The following CELF2 variants were observed in gnomAD, a reference collection of about 807,000 sequenced individuals.
The protein encoded by CELF2 is CUG triplet repeat RNA-binding protein 2.
In CELF2, 8 loss-of-function variants were observed where a neutral mutation model predicts 62.6. The observed-to-expected ratio is 0.13, with a 90% CI of 0.07 to 0.23. CELF2 has a LOEUF of 0.23. Ranked by LOEUF, CELF2 falls within the 10% of genes least tolerant of loss-of-function variation. CELF2 has a pLI of 1.00. For synonymous variants in CELF2, 258 were observed against 250.0 expected (o/e 1.03, Z -0.30); for missense variants, 333 against 671.0 (o/e 0.50, Z 5.56).
the CELF2 span, among the ~76,000 whole-genome samples, chr10:10,578,204 G>A: frequency 1.3e-5 from 2 of 151,804 alleles, no homozygotes; most frequent in African/African-American, 4.8e-5. Flanking sequence ...TTTTTGATGG[G>A]GTTGTTTGTT....
intron 1 of CELF2, among the ~76,000 whole-genome samples, chr10:11,093,077 C>A (rs1944344942): frequency 6.6e-6 from 1 of 152,198 alleles, no homozygotes; most frequent in Non-Finnish European, 1.5e-5. Context: ...CTTACTCTGT[C>A]AGGGACTTAG....
chr10:11,324,361 A>G lies in CELF2; in HGVS notation c.1295-1475A>G, dbSNP rs1471377528. ...CATACCACCCAGGATGTGCACACACAGCAGTGCTCAGAACATCCCTTTCCA... is the reference window on the plus strand; with the variant it reads ...CATACCACCCAGGATGTGCACACACGGCAGTGCTCAGAACATCCCTTTCCA... On this transcript the variant is annotated intron_variant, in intron 11 of 12. Transcript: ENST00000633077. This position sits in a 1 kb window ranked among gnomAD's most constrained non-coding sequence, Gnocchi z 4.7. 6.6e-6 allele frequency among the ~76,000 whole-genome samples: 1 copy of G among 152,220 alleles called. No individual in the cohort carries two copies. Among genetic ancestry groups the G allele is most frequent in the African/African-American group, 2.4e-5 (1 of 41,444 alleles).
intron 1 of CELF2, among the ~76,000 whole-genome samples, chr10:10,894,946 G>T (rs1244772088): frequency 6.6e-6 from 1 of 152,142 alleles, no homozygotes; most frequent in Non-Finnish European, 1.5e-5. Context: ...GTAATATTAT[G>T]AAGTGAAACT....
intron 1 of CELF2, among the ~76,000 whole-genome samples, chr10:11,087,263 T>A (rs2141752022): frequency 6.6e-6 from 1 of 152,246 alleles, no homozygotes; most frequent in African/African-American, 2.4e-5. Flanking sequence ...GTAAAAAGAT[T>A]GATAGGTGAT....
At chr10:10,622,850 T>C in the CELF2 span, among the ~76,000 whole-genome samples, 2 of 151,484 alleles carry the variant, frequency 1.3e-5, no homozygotes, top group East Asian at 2.0e-4. Flanking sequence ...TCCCAGCACT[T>C]TGGGAGGCCG....
chr10:10,509,046 G>A, the CELF2 span, among the ~76,000 whole-genome samples: 9 of 152,126 alleles, frequency 5.9e-5, no homozygotes, highest in African/African-American at 2.2e-4. Context: ...ATATGGTTGG[G>A]TAAAGCTAAA....
At chr10:11,186,809 C>T (rs1212143784) in intron 2 of CELF2, among the ~76,000 whole-genome samples, 1 of 152,122 alleles carries the variant, frequency 6.6e-6, no homozygotes, top group African/African-American at 2.4e-5. Flanking sequence ...CATTTACGGG[C>T]CCAGGCATTT....
the CELF2 span, among the ~76,000 whole-genome samples, chr10:10,662,501 G>A: frequency 6.6e-6 from 1 of 152,104 alleles, no homozygotes; most frequent in Non-Finnish European, 1.5e-5. Context: ...TTCTCACCCT[G>A]TGTCCTGGCA....
At chr10:10,869,568 GA>G (rs34926580) in intron 1 of CELF2, among the ~76,000 whole-genome samples, 9 of 150,458 alleles carry the variant, frequency 6.0e-5, no homozygotes, top group African/African-American at 1.2e-4. Flanking sequence ...TCATCTGGGG[GA>G]AAAAAAAATG....
chr10:11,284,507 G>T (rs2139428240), intron 8 of CELF2, among the ~76,000 whole-genome samples: 1 of 150,678 alleles, frequency 6.6e-6, no homozygotes, highest in East Asian at 2.0e-4. Context: ...GGTGGGGGAT[G>T]AGGGATGAGT....
chr10:11,155,699 C>G (rs542085952), intron 1 of CELF2, among the ~76,000 whole-genome samples: 3 of 152,178 alleles, frequency 2.0e-5, no homozygotes, highest in Non-Finnish European at 4.4e-5. Flanking sequence ...TGTTTTCTCT[C>G]TAAACAACTA....
chr10:11,233,775 G>T (rs567166886), intron 3 of CELF2, among the ~76,000 whole-genome samples: 1 of 152,182 alleles, frequency 6.6e-6, no homozygotes, highest in African/African-American at 2.4e-5. Context: ...GAATTGCTCC[G>T]TCTTTATCAA....
the CELF2 span, among the ~76,000 whole-genome samples, chr10:10,670,030 G>A: frequency 6.6e-6 from 1 of 150,584 alleles, no homozygotes. Flanking sequence ...AGCCTCCCAA[G>A]TTGCTGGGAT....
the CELF2 span, among the ~76,000 whole-genome samples, chr10:10,591,765 C>T: frequency 6.6e-6 from 1 of 152,202 alleles, no homozygotes; most frequent in Non-Finnish European, 1.5e-5. Flanking sequence ...CAGCGTCCAC[C>T]GCCAAGAGAG....
intron 1 of CELF2, among the ~76,000 whole-genome samples, chr10:11,115,854 C>A (rs1043999480): frequency 2.0e-5 from 3 of 152,176 alleles, no homozygotes; most frequent in Non-Finnish European, 4.4e-5. Flanking sequence ...CGATTTTATG[C>A]ATGTCTCTTT....
At chr10:10,551,438 C>G in the CELF2 span, among the ~76,000 whole-genome samples, 5 of 152,014 alleles carry the variant, frequency 3.3e-5, no homozygotes, top group African/African-American at 1.2e-4. Context: ...GCCTTTGGCC[C>G]GGCAGCTGGG....
Position 11,255,039 on chromosome 10 carries a change from G to A in CELF2, c.404-2699G>A, listed in dbSNP as rs755847615. On this transcript the variant is annotated intron_variant, in intron 4 of 12. Transcript: ENST00000633077. The surrounding 1 kb of genome is among the most constrained non-coding windows in gnomAD (Gnocchi z 5.5). ...CGGTGTAGACGGCCTGCAGCAGGTG[G>A]TGTGGACGGCCTGCAGGTACACTCG... Among the ~76,000 whole-genome samples the A allele has an allele frequency of 1.5e-4, 23 of 152,126 alleles. No individual in the cohort carries two copies. Among genetic ancestry groups the A allele is most frequent in the Non-Finnish European group, 3.2e-4 (22 of 68,028 alleles).
At chr10:10,761,411 G>A in the CELF2 span, among the ~76,000 whole-genome samples, 10 of 152,314 alleles carry the variant, frequency 6.6e-5, no homozygotes, top group African/African-American at 2.2e-4. Flanking sequence ...TGGTAGAGGT[G>A]TAAGTCCATG....
chr10:10,813,954 GAA>G (rs1195294912), intron 1 of CELF2, among the ~76,000 whole-genome samples: 1 of 152,088 alleles, frequency 6.6e-6, no homozygotes, highest in Non-Finnish European at 1.5e-5. Flanking sequence ...TAGCTCCTGG[GAA>G]AAAGAGTGTA....
Sources: gnomAD v4.1 joint callset for allele counts (sites outside exome capture counted in the v4.1 genomes callset) on GRCh38, gnomAD v4.1.1 for gene constraint, Gnocchi (gnomAD v3.1) non-coding constraint, MANE v1.5 for transcripts, NCBI Gene and HGNC (gene_info 2026-07-23, HGNC 2026-07-21) for gene names.